Variants in SND1 observed in about 807,000 individuals in gnomAD.
SND1 encodes the protein staphylococcal nuclease and tudor domain containing 1.
Under a neutral mutation model 121.7 loss-of-function variants are expected in SND1, and 38 were observed. That is an observed-to-expected ratio of 0.31 (90% CI 0.24 to 0.41). The LOEUF is 0.41. SND1 is among the 10% of genes least tolerant of loss of function. SND1 has a pLI of 1.00. For synonymous variants in SND1, 401 were observed against 447.4 expected (o/e 0.90, Z 1.31); for missense variants, 868 against 1,184.6 (o/e 0.73, Z 3.92).
At chr7:127,789,369 A>G (rs1024698861) in intron 10 of SND1, among the ~76,000 whole-genome samples, 2 of 152,368 alleles carry the variant, frequency 1.3e-5, no homozygotes, top group Non-Finnish European at 2.9e-5. Flanking sequence ...TAAAAAATTC[A>G]TAAATTACAC....
intron 9 of SND1, among the ~76,000 whole-genome samples, chr7:127,712,765 C>A (rs779263450): frequency 3.3e-5 from 5 of 152,110 alleles, no homozygotes; most frequent in African/African-American, 1.2e-4. Flanking sequence ...TGTATAGATA[C>A]GTTTTACAGA....
chr7:127,987,199 G>T (rs1014520325), intron 15 of SND1, among the ~76,000 whole-genome samples: 1 of 152,204 alleles, frequency 6.6e-6, no homozygotes, highest in Non-Finnish European at 1.5e-5. Flanking sequence ...GCTTGGGAGC[G>T]CTCCATTGCT....
chr7:127,968,642 G>A (rs187634745), intron 15 of SND1, among the ~76,000 whole-genome samples: 117 of 152,208 alleles, frequency 7.7e-4, no homozygotes, highest in South Asian at 3.9e-3. Context: ...TACCTTTTTC[G>A]ATGTCTAAGA....
At chr7:127,997,998 G>C (rs757773338) in intron 16 of SND1, 1 of 529,980 alleles carries the variant, frequency 1.9e-6, no homozygotes, top group East Asian at 5.5e-5. Flanking sequence ...GTATACAAGG[G>C]ATCTATGACC....
At chr7:127,990,909 A>C in intron 15 of SND1, 38 bp from the exon 16 acceptor site, 1 of 1,492,298 alleles carries the variant, frequency 6.7e-7, no homozygotes. Flanking sequence ...CCTAGTGGGC[A>C]CCTTTTCATC....
In SND1 at chr7:128,092,020, C is replaced by G. The variant is rs1328836605; in HGVS notation, c.2695C>G (p.Arg899Gly). Residue 899 changes from arginine (R) to glycine (G), a missense_variant, in exon 24 of 24, where the codon CGA (arginine) becomes GGA (glycine). Arg to Gly is a moderately radical substitution (Grantham distance 125). Transcript: ENST00000354725. The surrounding 1 kb of genome is among the most constrained non-coding windows in gnomAD (Gnocchi z 4.9). ...GAACCTGTGGCGCTATGGAGACTTT[C>G]GAGCTGATGATGCAGACGAATTTGG... ...RLNLWRYGDF[R>G]ADDADEFGYS... The G allele has an allele frequency of 6.2e-7, 1 of 1,614,072 alleles. No homozygotes were observed. The highest frequency in any genetic ancestry group is 1.1e-5 in the South Asian group (1 of 91,084).
intron 16 of SND1, among the ~76,000 whole-genome samples, chr7:128,011,160 G>A (rs1189287820): frequency 2.7e-5 from 4 of 150,628 alleles, no homozygotes; most frequent in African/African-American, 9.8e-5. Flanking sequence ...TCTAAAACCA[G>A]GTGCTGAGGC....
At chr7:127,899,614 C>T (rs576100391) in intron 13 of SND1, among the ~76,000 whole-genome samples, 1 of 152,232 alleles carries the variant, frequency 6.6e-6, no homozygotes, top group African/African-American at 2.4e-5. Context: ...AGAATTTCCA[C>T]TTGATTTCAC....
At chr7:127,832,419 A>G (rs1180471706) in intron 11 of SND1, among the ~76,000 whole-genome samples, 1 of 152,242 alleles carries the variant, frequency 6.6e-6, no homozygotes, top group Non-Finnish European at 1.5e-5. Flanking sequence ...TTGGAAGTTC[A>G]TTGGACAAAA....
At chr7:128,013,358 C>G (rs934116191) in intron 16 of SND1, among the ~76,000 whole-genome samples, 2 of 152,238 alleles carry the variant, frequency 1.3e-5, no homozygotes, top group African/African-American at 2.4e-5. Flanking sequence ...CGTTCCCCAG[C>G]ACCTGGCAGG....
chr7:127,880,457 A>G (rs1427707629), intron 12 of SND1, among the ~76,000 whole-genome samples: 1 of 152,068 alleles, frequency 6.6e-6, no homozygotes, highest in East Asian at 1.9e-4. Flanking sequence ...TATTAATTAT[A>G]TTTCATTTCT....
chr7:127,923,890 T>C (rs1800775375), intron 14 of SND1, among the ~76,000 whole-genome samples: 1 of 151,948 alleles, frequency 6.6e-6, no homozygotes, highest in South Asian at 2.1e-4. Flanking sequence ...CTCCACACTC[T>C]TTTTTTTCCT....
intron 10 of SND1, among the ~76,000 whole-genome samples, chr7:127,779,675 T>C (rs763997235): frequency 2.6e-5 from 4 of 152,224 alleles, no homozygotes; most frequent in Admixed American, 6.5e-5. Flanking sequence ...GGAACAGTCC[T>C]GCCTACTGCA....
At chr7:127,983,908 A>G (rs1389744963) in intron 15 of SND1, among the ~76,000 whole-genome samples, 1 of 152,030 alleles carries the variant, frequency 6.6e-6, no homozygotes, top group Non-Finnish European at 1.5e-5. Context: ...TGGCGTCCAG[A>G]TTTTATTTCC....
chr7:127,683,366 C>T (rs553914017), intron 1 of SND1, among the ~76,000 whole-genome samples: 1 of 152,264 alleles, frequency 6.6e-6, no homozygotes, highest in South Asian at 2.1e-4. Flanking sequence ...CTGATGTGCA[C>T]CACCACACCC....
chr7:128,028,838 A>G, intron 16 of SND1: 1 of 1,614,134 alleles, frequency 6.2e-7, no homozygotes, highest in East Asian at 2.2e-5. Context: ...TATGGTCATG[A>G]ATTGTGGGCA....
At chr7:127,940,248 A>G (rs1168568392) in intron 15 of SND1, among the ~76,000 whole-genome samples, 1 of 152,172 alleles carries the variant, frequency 6.6e-6, no homozygotes, top group Admixed American at 6.5e-5. Context: ...TTGTGCCTAA[A>G]TGCCTCAGTT....
chr7:127,991,507 G>A (rs576786395), intron 16 of SND1, among the ~76,000 whole-genome samples: 1 of 152,250 alleles, frequency 6.6e-6, no homozygotes, highest in African/African-American at 2.4e-5. Context: ...CTGCCTGTTG[G>A]GCTGGCTCTT....
chr7:127,653,160 G>GT (rs1222222823), intron 1 of SND1, among the ~76,000 whole-genome samples: 1 of 152,198 alleles, frequency 6.6e-6, no homozygotes, highest in Non-Finnish European at 1.5e-5. Context: ...TCCTGGTCTA[G>GT]TGCTCATAGC....
Sources: allele counts gnomAD v4.1 joint callset (sites outside exome capture counted in the v4.1 genomes callset), GRCh38; gene constraint gnomAD v4.1.1; non-coding constraint Gnocchi (gnomAD v3.1); transcripts MANE v1.5; gene names NCBI Gene and HGNC (gene_info 2026-07-23, HGNC 2026-07-21).